GRID2: variants seen among roughly 807,000 people sequenced by gnomAD.
GRID2 encodes glutamate ionotropic receptor delta type subunit 2.
In GRID2, 33 loss-of-function variants were observed where a neutral mutation model predicts 114.8. The ratio of observed to expected loss-of-function variants is 0.29; its 90% confidence interval spans 0.22 to 0.38. The LOEUF (loss-of-function observed/expected upper bound fraction) is 0.38, where lower values mean the gene tolerates loss of function less well. Ranked by LOEUF, GRID2 falls within the 10% of genes least tolerant of loss-of-function variation. The pLI is 1.00. For missense variants in GRID2, 1,184 were observed against 1,257.7 expected, an observed-to-expected ratio of 0.94 and a Z score of 0.89; for synonymous variants, 505 against 449.9, an observed-to-expected ratio of 1.12 and a Z score of -1.55.
intron 4 of GRID2, among the ~76,000 whole-genome samples, chr4:93,200,513 C>T (rs1168879315): frequency 1.3e-5 from 2 of 151,700 alleles, no homozygotes; most frequent in Non-Finnish European, 2.9e-5. Context: ...TTGCAGTGAG[C>T]CGAGATCGCG....
chr4:92,867,972 A>T (rs1423932107), intron 2 of GRID2, among the ~76,000 whole-genome samples: 2 of 152,140 alleles, frequency 1.3e-5, no homozygotes, highest in East Asian at 3.9e-4. Flanking sequence ...ACTTTGGCTC[A>T]GAAGAGATTT....
At chr4:92,552,679 G>GA (rs1461752943) in intron 1 of GRID2, among the ~76,000 whole-genome samples, 4 of 152,170 alleles carry the variant, frequency 2.6e-5, no homozygotes, top group Admixed American at 2.0e-4. Flanking sequence ...AGGAAAAGAT[G>GA]AAGGGTTATG....
chr4:92,891,162 T>C (rs1050252138), intron 2 of GRID2, among the ~76,000 whole-genome samples: 2 of 152,064 alleles, frequency 1.3e-5, no homozygotes, highest in Non-Finnish European at 2.9e-5. Flanking sequence ...AAATACCTAA[T>C]GTAGATGATG....
chr4:93,018,835 T>C (rs535505865), intron 2 of GRID2, among the ~76,000 whole-genome samples: 2 of 152,150 alleles, frequency 1.3e-5, no homozygotes, highest in South Asian at 4.1e-4. Flanking sequence ...TCCTAGTAAC[T>C]TGTAGGAGCA....
chr4:93,015,019 A>T (rs1288997882), intron 2 of GRID2, among the ~76,000 whole-genome samples: 1 of 152,148 alleles, frequency 6.6e-6, no homozygotes, highest in Non-Finnish European at 1.5e-5. Context: ...AAACTTCAAG[A>T]GGTGATTAAA....
At chr4:93,191,754 A>G (rs1741002295) in intron 4 of GRID2, among the ~76,000 whole-genome samples, 1 of 152,130 alleles carries the variant, frequency 6.6e-6, no homozygotes, top group South Asian at 2.1e-4. Flanking sequence ...CATATCAATT[A>G]TTATTGTCAA....
intron 1 of GRID2, among the ~76,000 whole-genome samples, chr4:92,445,391 A>G (rs1733401845): frequency 6.6e-6 from 1 of 152,222 alleles, no homozygotes; most frequent in African/African-American, 2.4e-5. Flanking sequence ...CCTTCCAGTG[A>G]AGGTTCAAGG....
At chr4:93,570,819 G>A (rs1056254140) in intron 13 of GRID2, among the ~76,000 whole-genome samples, 6 of 152,140 alleles carry the variant, frequency 3.9e-5, no homozygotes, top group Non-Finnish European at 8.8e-5. Flanking sequence ...TATGGATTTA[G>A]TTTGATAGTC....
Position 92,980,130 on chromosome 4 carries a change from A to G in GRID2, c.245-104865A>G, listed in dbSNP as rs563638736. Among the ~76,000 whole-genome samples, 24 of 152,276 alleles carry G rather than the reference A, an allele frequency of 1.6e-4. No individual in the cohort carries two copies. The South Asian group carries it at 4.8e-3, about 30-fold the overall frequency. On this transcript the variant is annotated intron_variant, in intron 2 of 15. Coordinates refer to ENST00000282020, the MANE Select transcript of GRID2 (RefSeq NM_001510.4). ...TTGCAGCAGCATATTAATTACAAAT[A>G]TGTTGCAATAACTTCAAGAACCCAA...
intron 2 of GRID2, among the ~76,000 whole-genome samples, chr4:92,713,755 A>T (rs1735396331): frequency 6.6e-6 from 1 of 151,790 alleles, no homozygotes; most frequent in African/African-American, 2.4e-5. Flanking sequence ...AAACCATCAG[A>T]TCTCATGAGA....
At chr4:93,502,063 G>T (rs1728166984) in intron 12 of GRID2, among the ~76,000 whole-genome samples, 1 of 152,002 alleles carries the variant, frequency 6.6e-6, no homozygotes, top group African/African-American at 2.4e-5. Context: ...AGTCATTGTG[G>T]AGGACATAGT....
chr4:92,749,232 G>A (rs749473285), intron 2 of GRID2, among the ~76,000 whole-genome samples: 2 of 151,218 alleles, frequency 1.3e-5, no homozygotes, highest in Non-Finnish European at 2.9e-5. Flanking sequence ...TCGATCTCTT[G>A]ACCTCGTGAT....
At chr4:92,330,847 T>A (rs1007218792) in intron 1 of GRID2, among the ~76,000 whole-genome samples, 3 of 152,130 alleles carry the variant, frequency 2.0e-5, no homozygotes, top group African/African-American at 4.8e-5. Context: ...AAGTTCTGAA[T>A]TTTTTTCAAA....
At chr4:92,816,149 C>G (rs1231643310) in intron 2 of GRID2, among the ~76,000 whole-genome samples, 2 of 150,996 alleles carry the variant, frequency 1.3e-5, no homozygotes, top group African/African-American at 2.4e-5. Flanking sequence ...AACCCCATCT[C>G]TACCAAAAAT....
chr4:93,259,048 A>G (rs1749949792), intron 8 of GRID2: 2 of 389,834 alleles, frequency 5.1e-6, no homozygotes, highest in Middle Eastern at 3.7e-4. Flanking sequence ...TAAAGAAAAA[A>G]AAGTATTATA....
chr4:93,204,129 T>A (rs1307040427), intron 4 of GRID2: 2 of 152,184 alleles, frequency 1.3e-5, no homozygotes, highest in Non-Finnish European at 2.9e-5. Flanking sequence ...CTAGTTTTTC[T>A]GATAAACTTT....
chr4:93,515,498 TG>T (rs1468314836), intron 13 of GRID2, 87 bp downstream of exon 13: 1 of 870,908 alleles, frequency 1.1e-6, no homozygotes, highest in Non-Finnish European at 1.8e-6. Context: ...TTTTTTGTTT[TG>T]TTTTTTGTTT....
At chr4:93,344,984 A>AGT (rs35018148) in intron 8 of GRID2, among the ~76,000 whole-genome samples, 47,416 of 142,334 alleles carry the variant, frequency 0.33, 8,123 homozygotes, top group East Asian at 0.65. Context: ...GTTGTATTCT[A>AGT]GTGTGTGTGT....
At chr4:93,013,820 TATTC>T (rs974023214) in intron 2 of GRID2, among the ~76,000 whole-genome samples, 68 of 152,110 alleles carry the variant, frequency 4.5e-4, no homozygotes, top group African/African-American at 1.2e-3. Flanking sequence ...ATATCTCACA[TATTC>T]ATTTATTTTA....
Sources: gnomAD v4.1 joint callset for allele counts (sites outside exome capture counted in the v4.1 genomes callset) on GRCh38, gnomAD v4.1.1 for gene constraint, MANE v1.5 for transcripts, NCBI Gene and HGNC (gene_info 2026-07-23, HGNC 2026-07-21) for gene names.